Variants in NCAM1 observed in about 807,000 individuals in gnomAD.
NCAM1 encodes the protein neural cell adhesion molecule 1, also known as antigen recognized by monoclonal antibody 5.1H11.
In NCAM1, 14 loss-of-function variants were observed where a neutral mutation model predicts 109.8. That is an observed-to-expected ratio of 0.13 (90% CI 0.08 to 0.20). The LOEUF (loss-of-function observed/expected upper bound fraction) is 0.20. Ranked by LOEUF, NCAM1 falls within the 10% of genes least tolerant of loss-of-function variation. NCAM1 has a pLI of 1.00. For synonymous variants in NCAM1, 418 were observed against 442.9 expected (o/e 0.94, Z 0.70); for missense variants, 774 against 1,109.9 (o/e 0.70, Z 4.30).
At chr11:112,976,806 A>C (rs1256824223) in intron 1 of NCAM1, among the ~76,000 whole-genome samples, 1 of 151,924 alleles carries the variant, frequency 6.6e-6, no homozygotes, top group Non-Finnish European at 1.5e-5. Context: ...TCTTATCCAT[A>C]TCTAACATTT....
rs534087636 is a variant in NCAM1 at position 113,107,700 on chromosome 11, C to T, written c.53-94679C>T. ...GACAGTATGGAGGAAACGGCCCCCA[C>T]AATTCAATTATCTCCCACTGGGTCC... On this transcript the variant is annotated intron_variant, in intron 1 of 19. Transcript: ENST00000316851. Among the ~76,000 whole-genome samples the T allele has an allele frequency of 7.9e-5, 12 of 152,262 alleles. No individual in the cohort carries two copies. In the South Asian group the frequency reaches 2.5e-3, roughly 32 times the overall value.
chr11:113,267,860 C>T (rs1333094098), intron 17 of NCAM1, among the ~76,000 whole-genome samples: 4 of 152,180 alleles, frequency 2.6e-5, no homozygotes, highest in Admixed American at 6.5e-5. Flanking sequence ...AGCAGCTTTG[C>T]AGGAGTTTAT....
chr11:113,004,153 A>T (rs1037289807), intron 1 of NCAM1, among the ~76,000 whole-genome samples: 3 of 152,056 alleles, frequency 2.0e-5, no homozygotes, highest in Non-Finnish European at 2.9e-5. Flanking sequence ...TTATGTTCTT[A>T]TTTTTCTTCT....
rs1014374369 is a variant in NCAM1 at position 113,024,158 on chromosome 11, A to G, written c.52+62494A>G. Among the ~76,000 whole-genome samples the G allele has an allele frequency of 5.3e-5, 8 of 152,212 alleles. No homozygotes were observed. The East Asian group carries it at 1.4e-3, about 26-fold the overall frequency. ...GCATTGCTTGTGCCTCAGAGAATCT[A>G]CTAGCAACAACCTCTAGTCTCTTAC... On this transcript the variant is annotated intron_variant, in intron 1 of 19. Coordinates refer to ENST00000316851, the MANE Select transcript of NCAM1 (RefSeq NM_181351.5).
intron 1 of NCAM1, among the ~76,000 whole-genome samples, chr11:113,168,425 C>T (rs1173374402): frequency 6.6e-6 from 1 of 152,184 alleles, no homozygotes; most frequent in Non-Finnish European, 1.5e-5. Context: ...TCCCTGCTAG[C>T]TTGCACGGTC....
chr11:112,988,220 CT>C (rs1405746485), intron 1 of NCAM1, among the ~76,000 whole-genome samples: 1 of 152,110 alleles, frequency 6.6e-6, no homozygotes, highest in African/African-American at 2.4e-5. Context: ...TCACAATTTA[CT>C]TCCCTTTATA....
intron 1 of NCAM1, among the ~76,000 whole-genome samples, chr11:113,103,797 AC>A (rs1247971845): frequency 6.6e-6 from 1 of 152,090 alleles, no homozygotes; most frequent in Admixed American, 6.5e-5. Flanking sequence ...CCCTGAAGTA[AC>A]CGTGGGCGAT....
chr11:113,154,486 G>T (rs1942341299), intron 1 of NCAM1, among the ~76,000 whole-genome samples: 2 of 152,164 alleles, frequency 1.3e-5, no homozygotes, highest in Admixed American at 6.5e-5. Context: ...AATAGTAAAA[G>T]AAGCATGTGA....
rs1946051806 is a variant in NCAM1, at chr11:113,263,000, A to G, written c.2131+2677A>G. The G allele has an allele frequency of 7.7e-6, 12 of 1,553,738 alleles. 1 individual carries two copies. In the Admixed American group the frequency reaches 1.2e-4, roughly 15 times the overall value. ...AAAGATCAGTGCCCCCTTTGGAAGA[A>G]CCTGGCAGGACCACCATGGCCACAG... On this transcript the variant is annotated intron_variant, in intron 17 of 19. Coordinates refer to ENST00000316851, the MANE Select transcript of NCAM1 (RefSeq NM_181351.5).
chr11:113,077,749 C>T (rs917998308), intron 1 of NCAM1, among the ~76,000 whole-genome samples: 9 of 151,220 alleles, frequency 6.0e-5, no homozygotes, highest in South Asian at 2.1e-4. Flanking sequence ...TGCAGTGGCG[C>T]GATCTCGGCT....
chr11:113,171,788 G>T (rs185513897), intron 1 of NCAM1, among the ~76,000 whole-genome samples: 3 of 152,216 alleles, frequency 2.0e-5, no homozygotes, highest in East Asian at 1.9e-4. Context: ...AATTCTGTCC[G>T]CCCCAAATTC....
At chr11:113,275,158 T>C in intron 19 of NCAM1, 109 bp from the exon 20 acceptor site, 1 of 1,423,026 alleles carries the variant, frequency 7.0e-7, no homozygotes, top group Admixed American at 2.3e-5. Flanking sequence ...AGCCGGGTGC[T>C]GTCACTGGAG....
rs550621705 is a variant in NCAM1 at position 113,141,526 on chromosome 11, G to A, written c.53-60853G>A. On this transcript the variant is annotated intron_variant, in intron 1 of 19. Transcript: ENST00000316851. ...TAGCTGGGCGCGGTGGTGTGTGCCTGTAGTCCCAGCTACTTGGGAGGCTGA... is the reference window on the plus strand; with the variant it reads ...TAGCTGGGCGCGGTGGTGTGTGCCTATAGTCCCAGCTACTTGGGAGGCTGA... 1.7e-4 allele frequency among the ~76,000 whole-genome samples: 26 copies of A among 152,290 alleles called. 1 individual carries two copies. Among genetic ancestry groups the A allele is most frequent in the African/African-American group, 6.3e-4 (26 of 41,548 alleles).
At chr11:113,176,857 A>G (rs150267779) in intron 1 of NCAM1, among the ~76,000 whole-genome samples, 2,286 of 152,242 alleles carry the variant, frequency 0.015, 54 homozygotes, top group African/African-American at 0.052. Context: ...AAAATACACC[A>G]CTTGTTTCCC....
chr11:113,259,297 C>T (rs1235765632), intron 16 of NCAM1, among the ~76,000 whole-genome samples: 2 of 151,864 alleles, frequency 1.3e-5, no homozygotes, highest in Non-Finnish European at 2.9e-5. Flanking sequence ...GTGATCCGCC[C>T]GCCTCGGCCT....
chr11:113,147,738 A>G (rs750926540), intron 1 of NCAM1, among the ~76,000 whole-genome samples: 4 of 152,218 alleles, frequency 2.6e-5, no homozygotes, highest in Non-Finnish European at 5.9e-5. Context: ...GCCAGATGCT[A>G]TATGGTGAGA....
intron 1 of NCAM1, among the ~76,000 whole-genome samples, chr11:113,170,419 G>T (rs1437559660): frequency 6.6e-6 from 1 of 152,202 alleles, no homozygotes; most frequent in Admixed American, 6.5e-5. Context: ...GCAGTGTGCG[G>T]TGAAAGTGAC....
intron 1 of NCAM1, among the ~76,000 whole-genome samples, chr11:112,975,855 C>A (rs1950992437): frequency 6.6e-6 from 1 of 151,878 alleles, no homozygotes; most frequent in African/African-American, 2.4e-5. Context: ...TATTTGTATT[C>A]CTTTATAGCC....
At chr11:113,103,245 T>A (rs886406640) in intron 1 of NCAM1, among the ~76,000 whole-genome samples, 2 of 152,220 alleles carry the variant, frequency 1.3e-5, no homozygotes, top group Non-Finnish European at 2.9e-5. Flanking sequence ...AAAGCATGGA[T>A]TAAAATGGAG....
Sources: gnomAD v4.1 joint callset for allele counts (sites outside exome capture counted in the v4.1 genomes callset) on GRCh38, gnomAD v4.1.1 for gene constraint, MANE v1.5 for transcripts, NCBI Gene and HGNC (gene_info 2026-07-23, HGNC 2026-07-21) for gene names.